Variants in POLQ observed in about 807,000 individuals in gnomAD.
POLQ encodes epididymis secretory sperm binding protein.
POLQ carries 233 observed loss-of-function variants against 259.2 expected under a neutral mutation model. The observed-to-expected ratio is 0.90, with a 90% CI of 0.81 to 1.00. POLQ has a LOEUF of 1.00. POLQ is among the 50% of genes least tolerant of loss of function. The pLI is 0.00. For missense variants in POLQ, 2,871 were observed against 3,051.6 expected, an observed-to-expected ratio of 0.94 and a Z score of 1.39; for synonymous variants, 1,025 against 1,048.8, an observed-to-expected ratio of 0.98 and a Z score of 0.44.
chr3:121,533,450 T>C (rs1179363862), intron 5 of POLQ, among the ~76,000 whole-genome samples: 4 of 152,340 alleles, frequency 2.6e-5, no homozygotes, highest in Non-Finnish European at 5.9e-5. Context: ...TTTCTATTGT[T>C]CCATAATCTT....
At chr3:121,515,814 G>T (rs913392270) in intron 9 of POLQ, among the ~76,000 whole-genome samples, 8 of 151,970 alleles carry the variant, frequency 5.3e-5, no homozygotes, top group African/African-American at 1.9e-4. Flanking sequence ...AACTAACAAA[G>T]CTCCAACAAT....
At chr3:121,497,460 G>A (rs186935681) in intron 13 of POLQ, among the ~76,000 whole-genome samples, 18 of 150,830 alleles carry the variant, frequency 1.2e-4, no homozygotes, top group Admixed American at 6.6e-4. Flanking sequence ...TTTTTGAGAC[G>A]GAGTCTCACT....
intron 2 of POLQ, among the ~76,000 whole-genome samples, chr3:121,542,731 G>C (rs904774313): frequency 1.3e-5 from 2 of 152,168 alleles, no homozygotes; most frequent in African/African-American, 2.4e-5. Flanking sequence ...AACTTTGGGA[G>C]AATCACTTGA....
At chr3:121,502,702 G>A (rs150105891) in intron 12 of POLQ, among the ~76,000 whole-genome samples, 45 of 152,266 alleles carry the variant, frequency 3.0e-4, no homozygotes, top group Middle Eastern at 3.4e-3. Flanking sequence ...AGCAAACTCT[G>A]TAAATGTATA....
At chr3:121,455,929 A>T (rs1358321172) in intron 25 of POLQ, among the ~76,000 whole-genome samples, 2 of 150,766 alleles carry the variant, frequency 1.3e-5, no homozygotes, top group Non-Finnish European at 3.0e-5. Flanking sequence ...GAGACAACCA[A>T]AAAAGAGAAT....
At chr3:121,527,944 G>A (rs2048384162) in intron 7 of POLQ, among the ~76,000 whole-genome samples, 1 of 152,198 alleles carries the variant, frequency 6.6e-6, no homozygotes, top group Non-Finnish European at 1.5e-5. Context: ...CTTACAACAC[G>A]TGAGCTTACT....
intron 25 of POLQ, among the ~76,000 whole-genome samples, chr3:121,450,900 A>T (rs2047669724): frequency 6.6e-6 from 1 of 152,040 alleles, no homozygotes; most frequent in Non-Finnish European, 1.5e-5. Flanking sequence ...ACTTGGTTCC[A>T]TTCTCCCGGT....
At chr3:121,444,664 T>A (rs988593947) in intron 26 of POLQ, among the ~76,000 whole-genome samples, 4 of 152,184 alleles carry the variant, frequency 2.6e-5, no homozygotes, top group Non-Finnish European at 4.4e-5. Context: ...AAAGTGGGCA[T>A]CCTTGTCGTG....
intron 12 of POLQ, among the ~76,000 whole-genome samples, chr3:121,506,906 C>A (rs905770831): frequency 1.3e-5 from 2 of 151,538 alleles, no homozygotes; most frequent in Admixed American, 6.6e-5. Flanking sequence ...TCCACCTACA[C>A]GACAGAATTA....
In POLQ at chr3:121,496,676, T is replaced by G. The variant is rs1329638137; in HGVS notation, c.2278+132A>C. 3.4e-6 allele frequency: 3 copies of G among 877,100 alleles called. No homozygotes were observed. In the African/African-American group the frequency reaches 5.1e-5, roughly 15 times the overall value. The allele number at this position is 877,100 out of a possible 1,614,324, so 54.3% of individuals were successfully genotyped here. A position where few individuals can be genotyped will look rare whatever the true frequency, so the allele number is the denominator to read the frequency against. On this transcript the variant is annotated intron_variant, in intron 14 of 29. Transcript: ENST00000264233. ...GCCATAGTTTTGAATTTTCTGATGATGACAAGAACTGTACAAAGTTTTAGC... is the reference window on the plus strand; with the variant it reads ...GCCATAGTTTTGAATTTTCTGATGAGGACAAGAACTGTACAAAGTTTTAGC...
intron 16 of POLQ, among the ~76,000 whole-genome samples, chr3:121,486,893 CAGAG>C (rs3045624): frequency 0.05 from 6,954 of 139,922 alleles, 445 homozygotes; most frequent in African/African-American, 0.16. Flanking sequence ...GAAAGAGAGA[CAGAG>C]AGAGAGAGAG....
chr3:121,486,897 G>C (rs898495284), intron 16 of POLQ, among the ~76,000 whole-genome samples: 45 of 128,676 alleles, frequency 3.5e-4, no homozygotes, highest in Non-Finnish European at 6.2e-4. Flanking sequence ...GAGAGACAGA[G>C]AGAGAGAGAG....
At chr3:121,438,174 CA>C (rs2047560282) in intron 27 of POLQ, among the ~76,000 whole-genome samples, 1 of 151,958 alleles carries the variant, frequency 6.6e-6, no homozygotes, top group South Asian at 2.1e-4. Flanking sequence ...AAACAAAAAC[CA>C]AAAAACAACC....
chr3:121,486,580 G>C (rs1460615664), intron 16 of POLQ, among the ~76,000 whole-genome samples: 2 of 151,830 alleles, frequency 1.3e-5, no homozygotes, highest in Non-Finnish European at 2.9e-5. Flanking sequence ...AATAATTCAT[G>C]GGGCTGGGCG....
At chr3:121,447,837 G>T (rs1355635577) in intron 26 of POLQ, among the ~76,000 whole-genome samples, 1 of 152,024 alleles carries the variant, frequency 6.6e-6, no homozygotes, top group Non-Finnish European at 1.5e-5. Context: ...ATTATTCCAG[G>T]GTAAAAGCTG....
chr3:121,432,360 T>C lies in POLQ; in HGVS notation c.7717A>G (p.Lys2573Glu). The C allele has an allele frequency of 6.2e-7, 1 of 1,610,686 alleles. No individual in the cohort carries two copies. The highest frequency in any genetic ancestry group is 8.5e-7 in the Non-Finnish European group (1 of 1,178,374). Residue 2573 changes from lysine (K) to glutamate (E), a missense_variant, in exon 30 of 30, where the codon AAA becomes GAA. Lys to Glu is a moderately conservative substitution (Grantham distance 56). This residue lies in a region of POLQ where 2,080 missense variants were observed against 2,126.0 expected (regional missense o/e 0.98). Transcript: ENST00000264233. ...ESAVKLSVKL[K>E]VKVKIGASWG... ...CTGGCGCCTATTTTCACTTTCACTT[T>C]CAATTTCACAGACAGTTTTACAGCA... is the stretch of plus-strand genomic sequence containing the variant.
At chr3:121,432,722 T>C (rs1178484880) in intron 29 of POLQ, among the ~76,000 whole-genome samples, 196 bp downstream of exon 29, 1 of 152,210 alleles carries the variant, frequency 6.6e-6, no homozygotes, top group Non-Finnish European at 1.5e-5. Flanking sequence ...GCATTGGCAA[T>C]TCTTCACTTA....
Position 121,471,985 on chromosome 3 carries a change from A to T in POLQ, c.6718+5T>A. The T allele has an allele frequency of 7.2e-7, 1 of 1,396,212 alleles. No individual in the cohort carries two copies. Among genetic ancestry groups the T allele is most frequent in the Non-Finnish European group, 9.5e-7 (1 of 1,048,168 alleles). 86.5% of individuals were successfully genotyped at this position (1,396,212 alleles called of 1,614,324 possible). On this transcript the variant is annotated splice_donor_5th_base_variant and intron_variant, in intron 22 of 29. Coordinates refer to ENST00000264233, the MANE Select transcript of POLQ (RefSeq NM_199420.4). ...ATATTGTTTATACTTAAGATTTCTC[A>T]TCACCTGTAGCAGTGTGCGACTGTG...
At chr3:121,484,466 A>G (rs1412267610) in intron 17 of POLQ, among the ~76,000 whole-genome samples, 1 of 152,210 alleles carries the variant, frequency 6.6e-6, no homozygotes, top group Non-Finnish European at 1.5e-5. Flanking sequence ...AGAGTCCCTG[A>G]GTCTTCACTG....
Sources: gnomAD v4.1 joint callset for allele counts (sites outside exome capture counted in the v4.1 genomes callset) on GRCh38, gnomAD v4.1.1 for gene constraint, gnomAD v4.1.1 regional missense constraint, MANE v1.5 for transcripts, NCBI Gene and HGNC (gene_info 2026-07-23, HGNC 2026-07-21) for gene names.